BMP1: variants seen among roughly 807,000 people sequenced by gnomAD.
BMP1 encodes the protein bone morphogenetic protein 1.
Under a neutral mutation model 116.8 loss-of-function variants are expected in BMP1, and 63 were observed. The observed-to-expected ratio is 0.54, with a 90% CI of 0.44 to 0.67. The LOEUF is 0.67. Ranked by LOEUF, BMP1 falls within the 30% of genes least tolerant of loss-of-function variation. The pLI, the probability that BMP1 is intolerant of heterozygous loss-of-function variation, is 0.00. For missense variants in BMP1, 1,183 were observed against 1,358.9 expected (o/e 0.87, Z 2.04); for synonymous variants, 536 against 533.4 (o/e 1.00, Z -0.07).
At chr8:22,188,425 C>A (rs1275690384) in intron 8 of BMP1, among the ~76,000 whole-genome samples, 1 of 152,186 alleles carries the variant, frequency 6.6e-6, no homozygotes. Flanking sequence ...CCGCCTCAGT[C>A]ACCCAAAGTG....
intron 19 of BMP1, among the ~76,000 whole-genome samples, chr8:22,210,853 G>A (rs1256694350): frequency 6.6e-6 from 1 of 152,232 alleles, no homozygotes; most frequent in Non-Finnish European, 1.5e-5. Context: ...GAGTTGACCG[G>A]AAGGAACTTG....
chr8:22,197,127 G>A (rs898433068), intron 14 of BMP1, 113 bp from the exon 15 acceptor site: 36 of 1,362,432 alleles, frequency 2.6e-5, no homozygotes, highest in Non-Finnish European at 3.5e-5. Flanking sequence ...CCAGTGAGGG[G>A]GCGTAGCTAA....
intron 16 of BMP1, among the ~76,000 whole-genome samples, chr8:22,206,344 A>T (rs1829354490): frequency 6.6e-6 from 1 of 152,186 alleles, no homozygotes; most frequent in Admixed American, 6.5e-5. Flanking sequence ...TCTACTAAAA[A>T]TACAAAAATT....
chr8:22,191,923 G>T, intron 8 of BMP1, 126 bp from the exon 9 acceptor site: 2 of 734,060 alleles, frequency 2.7e-6, no homozygotes, highest in Non-Finnish European at 4.5e-6. Context: ...CTCCTTTTGG[G>T]AGCCCCTTAA....
At chr8:22,192,380 C>A (rs1828960406) in intron 9 of BMP1, 2 of 447,402 alleles carry the variant, frequency 4.5e-6, no homozygotes, top group South Asian at 2.5e-5. Flanking sequence ...CCAGTCCAGA[C>A]TTCTGGGCCT....
chr8:22,177,152 C>T lies in BMP1; in HGVS notation c.730+13C>T, dbSNP rs1586440434. 1 of 1,586,824 alleles carries T rather than the reference C, an allele frequency of 6.3e-7. No individual in the cohort carries two copies. Among genetic ancestry groups the T allele is most frequent in the African/African-American group, 1.3e-5 (1 of 74,412 alleles). ...AACATCCAGCCAGGTAGGTACCTGC[C>T]CCTCGGTGCGGCCTTGGTGGGCGGC... is the stretch of plus-strand genomic sequence containing the variant. On this transcript the variant is annotated intron_variant, in intron 5 of 19. Transcript: ENST00000306385.
At chr8:22,181,594 C>T (rs1367372351) in intron 8 of BMP1, among the ~76,000 whole-genome samples, 2 of 151,664 alleles carry the variant, frequency 1.3e-5, no homozygotes, top group African/African-American at 4.8e-5. Flanking sequence ...ACTTTTTCAC[C>T]CAAGGTGGAG....
chr8:22,199,814 G>T (rs748874368), intron 15 of BMP1, among the ~76,000 whole-genome samples: 1 of 152,142 alleles, frequency 6.6e-6, no homozygotes, highest in African/African-American at 2.4e-5. Context: ...TCTCGATCAG[G>T]CCCCCTCTGA....
Position 22,209,689 on chromosome 8 carries a change from C to T in BMP1, c.2820C>T (p.Gly940=). 4 of 1,613,624 alleles carry T rather than the reference C, an allele frequency of 2.5e-6. No individual in the cohort carries two copies. The highest frequency in any genetic ancestry group is 3.4e-6 in the Non-Finnish European group (4 of 1,179,908). ...STAPRLGRYC[G]SGPPEEVYSA... is the part of the protein sequence containing the mutation. Reference sequence around the variant, plus strand: ...CCCCCAGGCTGGGGCGCTACTGTGGCTCAGGGGTGAGGCCCCCACCCCTCG... The same window carrying T: ...CCCCCAGGCTGGGGCGCTACTGTGGTTCAGGGGTGAGGCCCCCACCCCTCG... Residue 940 remains glycine (G), a synonymous_variant, in exon 19 of 20, where the codon GGC becomes GGT. Coordinates refer to ENST00000306385, the MANE Select transcript of BMP1 (RefSeq NM_006129.5).
Position 22,209,544 on chromosome 8 carries a change from G to A in BMP1, c.2675G>A (p.Trp892Ter). The A allele has an allele frequency of 1.2e-5, 20 of 1,614,236 alleles. No individual in the cohort carries two copies. The highest frequency in any genetic ancestry group is 1.7e-5 in the Non-Finnish European group (20 of 1,180,036). ...TACCCTGGGGGTGTGGACTGTGAGT[G>A]GGTCATTGTGGCCGAGGAAGGCTAC... The part of the protein sequence containing the change: ...NNYPGGVDCE[W>*]VIVAEEGYGV... Residue 892 changes from tryptophan to a stop codon, truncating the protein, a stop_gained, in exon 19 of 20, where the codon TGG becomes TAG. Coordinates refer to ENST00000306385, the MANE Select transcript of BMP1 (RefSeq NM_006129.5). LOFTEE classifies it high-confidence loss of function.
intron 8 of BMP1, among the ~76,000 whole-genome samples, chr8:22,181,500 G>T (rs75755104): frequency 0.018 from 2,726 of 152,118 alleles, 54 homozygotes; most frequent in Middle Eastern, 0.12. Context: ...TACCTAAGGT[G>T]ATGAGAGGCT....
intron 8 of BMP1, among the ~76,000 whole-genome samples, chr8:22,191,226 T>C (rs1022960597): frequency 1.3e-5 from 2 of 152,146 alleles, no homozygotes; most frequent in African/African-American, 4.8e-5. Context: ...ACGCAGGACA[T>C]AGCAGAGGCT....
At chr8:22,177,633 C>G (rs992824048) in intron 5 of BMP1, 1 of 760,986 alleles carries the variant, frequency 1.3e-6, no homozygotes, top group African/African-American at 1.7e-5. Context: ...TTCCCATGTT[C>G]CCTTGAGTCC....
intron 15 of BMP1, chr8:22,201,560 C>T: frequency 7.1e-7 from 1 of 1,407,002 alleles, no homozygotes; most frequent in Non-Finnish European, 9.3e-7. Flanking sequence ...TGCTGGTCCG[C>T]TCGGACCCCC....
rs539704084 is a variant in BMP1 at position 22,197,113 on chromosome 8, G to T, written c.1927-127G>T. The T allele has an allele frequency of 3.3e-4, 421 of 1,257,666 alleles. 1 individual carries two copies. The African/African-American group carries it at 5.4e-3, about 16-fold the overall frequency. The allele number at this position is 1,257,666 out of a possible 1,614,324, so 77.9% of individuals were successfully genotyped here. On this transcript the variant is annotated intron_variant, in intron 14 of 19. Coordinates refer to ENST00000306385, the MANE Select transcript of BMP1 (RefSeq NM_006129.5). ...TAGGGCTGGCTTGGCGAGTACAGGA[G>T]GATCCAGTGAGGGGGCGTAGCTAAG...
chr8:22,209,807 G>T, intron 19 of BMP1, 112 bp downstream of exon 19: 1 of 1,251,272 alleles, frequency 8.0e-7, no homozygotes, highest in East Asian at 2.4e-5. Flanking sequence ...CCCGGAAGTT[G>T]AGTGCAGCAC....
chr8:22,188,616 C>T lies in BMP1; in HGVS notation c.1078-3433C>T, dbSNP rs1055404635. On this transcript the variant is annotated intron_variant, in intron 8 of 19. Transcript: ENST00000306385. ...CCAGAGCACAGCTGTTTCCACACGA[C>T]AGAAGCCAGTACAACTCTTAATTTG... 2.0e-5 allele frequency among the ~76,000 whole-genome samples: 3 copies of T among 152,250 alleles called. No individual in the cohort carries two copies. The East Asian group carries it at 5.8e-4, about 29-fold the overall frequency.
chr8:22,190,491 C>A, intron 8 of BMP1, among the ~76,000 whole-genome samples: 1 of 152,096 alleles, frequency 6.6e-6, no homozygotes, highest in African/African-American at 2.4e-5. Context: ...GAGAGTGGGG[C>A]CCTTGAAACT....
At chr8:22,173,553 G>A (rs1482839898) in intron 1 of BMP1, 49 bp from the exon 2 acceptor site, 1 of 1,472,430 alleles carries the variant, frequency 6.8e-7, no homozygotes, top group South Asian at 1.2e-5. Flanking sequence ...GTGCACCTAG[G>A]GCTGGGTAGG....
Sources: gnomAD v4.1 joint callset for allele counts (sites outside exome capture counted in the v4.1 genomes callset) on GRCh38, gnomAD v4.1.1 for gene constraint, MANE v1.5 for transcripts, NCBI Gene and HGNC (gene_info 2026-07-23, HGNC 2026-07-21) for gene names.